RABGAP1L: variants seen among roughly 807,000 people sequenced by gnomAD.
RABGAP1L encodes the protein RAB GTPase activating protein 1 like.
Under a neutral mutation model 137.7 loss-of-function variants are expected in RABGAP1L, and 63 were observed. The ratio of observed to expected loss-of-function variants is 0.46; its 90% CI spans 0.37 to 0.56. RABGAP1L has a LOEUF of 0.56. RABGAP1L is among the 20% of genes least tolerant of loss of function. The pLI, the probability that RABGAP1L is intolerant of heterozygous loss-of-function variation, is 0.00. For missense variants in RABGAP1L, 1,095 were observed against 1,244.0 expected (o/e 0.88, Z 1.80); for synonymous variants, 431 against 433.7 (o/e 0.99, Z 0.08).
At position 174,829,978 on chromosome 1, in the gene RABGAP1L, G is replaced by A. The variant is rs1691937972; in HGVS notation, c.2340+18018G>A. Among the ~76,000 whole-genome samples, 3 of 147,924 alleles carry A rather than the reference G, an allele frequency of 2.0e-5. 1 individual carries two copies. The highest frequency in any genetic ancestry group is 4.5e-5 in the Non-Finnish European group (3 of 66,632). ...CAGGTTTAAAACAACAATATTTTTC[G>A]TGATTCTGTGAGTTGGCTAGGTGGT... On this transcript the variant is annotated intron_variant, in intron 19 of 25. Transcript: ENST00000681986.
At chr1:174,981,615 G>A (rs951135145) in intron 23 of RABGAP1L, among the ~76,000 whole-genome samples, 2 of 118,142 alleles carry the variant, frequency 1.7e-5, no homozygotes, top group African/African-American at 6.7e-5. Flanking sequence ...ACCCAGGCTG[G>A]AATGCAGTGG....
At chr1:174,340,872 A>C (rs1681914206) in intron 11 of RABGAP1L, among the ~76,000 whole-genome samples, 1 of 152,136 alleles carries the variant, frequency 6.6e-6, no homozygotes, top group African/African-American at 2.4e-5. Context: ...TGGTTGAAAT[A>C]ATTTCTCAAC....
chr1:174,377,503 G>A (rs548489613), intron 12 of RABGAP1L, among the ~76,000 whole-genome samples: 1 of 152,180 alleles, frequency 6.6e-6, no homozygotes, highest in Non-Finnish European at 1.5e-5. Context: ...TAGACACTGA[G>A]ATTAGTGGCA....
intron 13 of RABGAP1L, among the ~76,000 whole-genome samples, chr1:174,532,298 T>G (rs896433844): frequency 6.6e-6 from 1 of 151,812 alleles, no homozygotes; most frequent in Non-Finnish European, 1.5e-5. Flanking sequence ...AGCCTTTGCC[T>G]CCCGGGTTCG....
intron 7 of RABGAP1L, among the ~76,000 whole-genome samples, chr1:174,265,497 T>C (rs1673983184): frequency 6.6e-6 from 1 of 150,934 alleles, no homozygotes; most frequent in Non-Finnish European, 1.5e-5. Context: ...AGAGCTGAGA[T>C]TGTGCCACTG....
At chr1:174,897,247 T>C (rs887727099) in intron 19 of RABGAP1L, 8 of 152,196 alleles carry the variant, frequency 5.3e-5, no homozygotes, top group African/African-American at 1.9e-4. Flanking sequence ...TTGTCTGTTA[T>C]TGGTGTATAA....
At chr1:174,396,649 C>A (rs1235001943) in intron 13 of RABGAP1L, among the ~76,000 whole-genome samples, 2 of 151,632 alleles carry the variant, frequency 1.3e-5, no homozygotes, top group African/African-American at 2.4e-5. Context: ...AACTGCCATA[C>A]CCCTTTTTTC....
intron 7 of RABGAP1L, among the ~76,000 whole-genome samples, chr1:174,260,953 G>A (rs141507939): frequency 2.2e-3 from 329 of 151,436 alleles, no homozygotes; most frequent in Middle Eastern, 0.02. Context: ...AATGATTCAA[G>A]ACAAATAATA....
At chr1:174,431,111 T>C (rs778616901) in intron 13 of RABGAP1L, among the ~76,000 whole-genome samples, 13 of 152,150 alleles carry the variant, frequency 8.5e-5, no homozygotes, top group Non-Finnish European at 1.8e-4. Flanking sequence ...TTCTTACCTA[T>C]AATGTGAACC....
At chr1:174,197,672 C>A (rs766164375) in intron 1 of RABGAP1L, among the ~76,000 whole-genome samples, 1 of 151,878 alleles carries the variant, frequency 6.6e-6, no homozygotes, top group African/African-American at 2.4e-5. Context: ...TGGTTGCGGG[C>A]GCATGTAATC....
chr1:174,576,484 A>T (rs1383849014), intron 13 of RABGAP1L, among the ~76,000 whole-genome samples: 1 of 152,126 alleles, frequency 6.6e-6, no homozygotes, highest in Non-Finnish European at 1.5e-5. Flanking sequence ...CTGCAGGGGG[A>T]AGCAAATCAC....
At chr1:174,204,275 A>G (rs1262231076) in intron 1 of RABGAP1L, among the ~76,000 whole-genome samples, 2 of 152,134 alleles carry the variant, frequency 1.3e-5, no homozygotes, top group Non-Finnish European at 2.9e-5. Flanking sequence ...GTATCCTGAA[A>G]CTTTGCTGAA....
chr1:174,659,185 G>T, intron 14 of RABGAP1L, among the ~76,000 whole-genome samples: 2 of 142,750 alleles, frequency 1.4e-5, no homozygotes, highest in East Asian at 4.1e-4. Context: ...TTGTATGGTG[G>T]TTTCTATTTT....
At chr1:174,291,869 T>C (rs1438673807) in intron 10 of RABGAP1L, among the ~76,000 whole-genome samples, 4 of 151,794 alleles carry the variant, frequency 2.6e-5, no homozygotes, top group Admixed American at 6.6e-5. Flanking sequence ...ATTGACATTT[T>C]CCCTCCAAAG....
intron 13 of RABGAP1L, among the ~76,000 whole-genome samples, chr1:174,479,345 A>G (rs540991107): frequency 3.3e-5 from 5 of 152,200 alleles, no homozygotes; most frequent in Non-Finnish European, 7.3e-5. Context: ...TTTAGCATGC[A>G]TGAGAATCAC....
chr1:174,446,127 T>C (rs1471208114), intron 13 of RABGAP1L, among the ~76,000 whole-genome samples: 4 of 152,144 alleles, frequency 2.6e-5, no homozygotes, highest in South Asian at 2.1e-4. Flanking sequence ...GGTGGAGTCA[T>C]TGATGCTGAG....
chr1:174,874,186 T>C (rs1235285060), intron 19 of RABGAP1L, among the ~76,000 whole-genome samples: 1 of 152,002 alleles, frequency 6.6e-6, no homozygotes, highest in Non-Finnish European at 1.5e-5. Context: ...ATAAACCTAA[T>C]AAACCTATTC....
At chr1:174,532,354 G>A (rs778867954) in intron 13 of RABGAP1L, among the ~76,000 whole-genome samples, 71 of 151,822 alleles carry the variant, frequency 4.7e-4, no homozygotes, top group Non-Finnish European at 8.8e-4. Context: ...GACTACAGGT[G>A]CGCACCACCA....
chr1:174,224,177 A>C (rs1225834479), intron 3 of RABGAP1L, among the ~76,000 whole-genome samples: 1 of 152,222 alleles, frequency 6.6e-6, no homozygotes, highest in East Asian at 1.9e-4. Context: ...ATATCATTAT[A>C]GAAAAATTTA....
Sources: gnomAD v4.1 joint callset for allele counts (sites outside exome capture counted in the v4.1 genomes callset) on GRCh38, gnomAD v4.1.1 for gene constraint, MANE v1.5 for transcripts, NCBI Gene and HGNC (gene_info 2026-07-23, HGNC 2026-07-21) for gene names.